Variants in RYR3 observed in about 807,000 individuals in gnomAD.
RYR3 encodes brain ryanodine receptor-calcium release channel.
A neutral mutation model predicts 584.3 loss-of-function variants in RYR3; 207 were observed. The ratio of observed to expected loss-of-function variants is 0.35; its 90% confidence interval spans 0.32 to 0.40. The LOEUF (loss-of-function observed/expected upper bound fraction) is 0.40. Among genes scored for constraint, RYR3 ranks in the 10% least tolerant of loss-of-function variants. The pLI, the probability that RYR3 is intolerant of heterozygous loss-of-function variation, is 1.00. For synonymous variants in RYR3, 2,416 were observed against 2,248.5 expected (o/e 1.07, Z -2.11); for missense variants, 5,616 against 6,089.2 (o/e 0.92, Z 2.59).
chr15:33,707,674 G>T lies in RYR3; in HGVS notation c.6619+620G>T, dbSNP rs556543743. ...TGAGCCTTGCCTCCTAAGAATTTTT[G>T]TTATAATACTAATTCATTTGTATTG... On this transcript the variant is annotated intron_variant, in intron 43 of 103. Coordinates refer to ENST00000634891, the MANE Select transcript of RYR3 (RefSeq NM_001036.6). 2.0e-5 allele frequency among the ~76,000 whole-genome samples: 3 copies of T among 152,206 alleles called. No individual in the cohort carries two copies. The East Asian group carries it at 5.8e-4, about 29-fold the overall frequency.
intron 1 of RYR3, among the ~76,000 whole-genome samples, chr15:33,422,415 T>G (rs2044303331): frequency 6.6e-6 from 1 of 152,198 alleles, no homozygotes; most frequent in South Asian, 2.1e-4. Context: ...AATGGCATAT[T>G]TCCTGTTCTT....
chr15:33,565,443 C>G (rs367581059), intron 11 of RYR3, among the ~76,000 whole-genome samples: 3 of 151,958 alleles, frequency 2.0e-5, no homozygotes, highest in African/African-American at 7.3e-5. Context: ...ATGAACAAGC[C>G]GGTATTCTAT....
chr15:33,464,489 T>TATATATATATAC (rs1450450145), intron 1 of RYR3, among the ~76,000 whole-genome samples: 7 of 67,446 alleles, frequency 1.0e-4, no homozygotes, highest in African/African-American at 5.8e-4. Flanking sequence ...TATATATATA[T>TATATATATATAC]ACACATATAT....
chr15:33,824,177 T>A (rs1167922895), intron 81 of RYR3, among the ~76,000 whole-genome samples: 1 of 152,232 alleles, frequency 6.6e-6, no homozygotes, highest in Non-Finnish European at 1.5e-5. Context: ...AGTTATCCAT[T>A]TACTTTCTAA....
intron 1 of RYR3, among the ~76,000 whole-genome samples, chr15:33,338,267 G>T (rs1971389440): frequency 6.6e-6 from 1 of 151,826 alleles, no homozygotes. Flanking sequence ...TTTATTTAAG[G>T]ATGCACCTGG....
intron 57 of RYR3, among the ~76,000 whole-genome samples, chr15:33,750,996 G>C (rs1024418586): frequency 2.6e-5 from 4 of 152,142 alleles, no homozygotes; most frequent in Non-Finnish European, 5.9e-5. Context: ...TTGGTTTTCA[G>C]TTCTTGTGTT....
intron 19 of RYR3, among the ~76,000 whole-genome samples, chr15:33,616,241 C>T (rs541406998): frequency 6.6e-6 from 1 of 152,294 alleles, no homozygotes; most frequent in South Asian, 2.1e-4. Context: ...TGAACTTTTC[C>T]ACATTTTGTG....
intron 2 of RYR3, among the ~76,000 whole-genome samples, chr15:33,487,283 G>A (rs544276451): frequency 1.3e-5 from 2 of 151,992 alleles, no homozygotes; most frequent in Non-Finnish European, 1.5e-5. Flanking sequence ...TGGGCAAAAG[G>A]CTGAGTTAGG....
Position 33,592,411 on chromosome 15 carries a change from A to G in RYR3, c.1788+6295A>G, listed in dbSNP as rs185687230. On this transcript the variant is annotated intron_variant, in intron 16 of 103. Coordinates refer to ENST00000634891, the MANE Select transcript of RYR3 (RefSeq NM_001036.6). ...CACTATTGCTGATGAACTAGATGGT[A>G]CCAGTGCTGCACTTCTGGGGATCAC... is the stretch of plus-strand genomic sequence containing the variant. Among the ~76,000 whole-genome samples the G allele has an allele frequency of 5.3e-5, 8 of 152,270 alleles. No individual in the cohort carries two copies. In the East Asian group the frequency reaches 1.5e-3, roughly 29 times the overall value.
chr15:33,595,626 G>C (rs2059333938), intron 16 of RYR3, among the ~76,000 whole-genome samples: 1 of 152,104 alleles, frequency 6.6e-6, no homozygotes, highest in Admixed American at 6.5e-5. Flanking sequence ...CTGTGTCTCA[G>C]GAATGCAGTT....
rs965168036 is a variant in RYR3 at position 33,669,514 on chromosome 15, T to G, written c.5722+58T>G. 9 of 1,466,356 alleles carry G rather than the reference T, an allele frequency of 6.1e-6. No individual in the cohort carries two copies. In the African/African-American group the frequency reaches 1.3e-4, roughly 20 times the overall value. The allele number at this position is 1,466,356 out of a possible 1,614,324, so 90.8% of individuals were successfully genotyped here. ...TTTACAAGAAGAGTCTGTTTTTGAT[T>G]CCTTCATTAGAAAGCTAGTGGGAGG... On this transcript the variant is annotated intron_variant, in intron 37 of 103. Transcript: ENST00000634891.
At chr15:33,399,218 G>T (rs986065913) in intron 1 of RYR3, among the ~76,000 whole-genome samples, 1 of 152,146 alleles carries the variant, frequency 6.6e-6, no homozygotes, top group Non-Finnish European at 1.5e-5. Context: ...AGACTCATAT[G>T]ACATCATTTG....
chr15:33,451,777 T>TAG (rs2047152554), intron 1 of RYR3, among the ~76,000 whole-genome samples: 1 of 152,224 alleles, frequency 6.6e-6, no homozygotes, highest in Non-Finnish European at 1.5e-5. Context: ...TTATAGTTTA[T>TAG]AGGATGCATC....
At chr15:33,383,548 G>T (rs1270779389) in intron 1 of RYR3, among the ~76,000 whole-genome samples, 1 of 151,790 alleles carries the variant, frequency 6.6e-6, no homozygotes, top group Non-Finnish European at 1.5e-5. Flanking sequence ...TCTCTACTTG[G>T]TGTGACCATT....
At chr15:33,636,126 A>T (rs2061485648) in intron 26 of RYR3, among the ~76,000 whole-genome samples, 1 of 152,178 alleles carries the variant, frequency 6.6e-6, no homozygotes, top group African/African-American at 2.4e-5. Context: ...AGGAAATCTT[A>T]CCAGTTTTCC....
At chr15:33,737,756 T>A (rs376181518) in intron 49 of RYR3, among the ~76,000 whole-genome samples, 1 of 152,370 alleles carries the variant, frequency 6.6e-6, no homozygotes, top group East Asian at 1.9e-4. Flanking sequence ...GCCAGCTGGA[T>A]ACTGGCTTTG....
intron 28 of RYR3, among the ~76,000 whole-genome samples, chr15:33,646,098 C>T (rs1453670564): frequency 6.6e-6 from 1 of 152,228 alleles, no homozygotes; most frequent in Admixed American, 6.5e-5. Flanking sequence ...ATTTATTCTC[C>T]ACCCTTGGCC....
At position 33,382,319 on chromosome 15, in the gene RYR3, C is replaced by CTTTTTTTTTTTTT. The variant is rs34767570; in HGVS notation, c.51+71233_51+71245dup. On this transcript the variant is annotated intron_variant, in intron 1 of 103. Coordinates refer to ENST00000634891, the MANE Select transcript of RYR3 (RefSeq NM_001036.6). ...CAGGAACTGCTAATTTTAAAAGTGG[C>CTTTTTTTTTTTTT]TTTTTTTTTTTTTTTTTTTTTTGAG... 1.8e-3 allele frequency among the ~76,000 whole-genome samples: 187 copies of CTTTTTTTTTTTTT among 104,778 alleles called. 26 individuals carry two copies. The highest frequency in any genetic ancestry group is 7.2e-3 in the African/African-American group (178 of 24,696). 68.7% of individuals were successfully genotyped at this position (104,778 alleles called of 152,430 possible).
intron 11 of RYR3, among the ~76,000 whole-genome samples, chr15:33,564,518 A>AC (rs1236274593): frequency 1.3e-5 from 2 of 152,096 alleles, no homozygotes; most frequent in African/African-American, 4.8e-5. Context: ...AATGCCACAA[A>AC]CCCATCCTCT....
Sources: allele counts gnomAD v4.1 joint callset (sites outside exome capture counted in the v4.1 genomes callset), GRCh38; gene constraint gnomAD v4.1.1; transcripts MANE v1.5; gene names NCBI Gene and HGNC (gene_info 2026-07-23, HGNC 2026-07-21).